The following GABRB1 variants were observed in gnomAD, a reference collection of about 807,000 sequenced individuals.
The protein encoded by GABRB1 is gamma-aminobutyric acid receptor subunit beta-1.
Under a neutral mutation model 51.6 loss-of-function variants are expected in GABRB1, and 17 were observed. The ratio of observed to expected loss-of-function variants is 0.33; its 90% CI spans 0.23 to 0.49. The LOEUF (loss-of-function observed/expected upper bound fraction) is 0.49. Among genes scored for constraint, GABRB1 ranks in the 20% least tolerant of loss-of-function variants. GABRB1 has a pLI of 0.99. For synonymous variants in GABRB1, 247 were observed against 218.9 expected (o/e 1.13, Z -1.14); for missense variants, 410 against 600.6 (o/e 0.68, Z 3.32).
At chr4:47,380,218 GA>G (rs1727546037) in intron 5 of GABRB1, among the ~76,000 whole-genome samples, 1 of 152,070 alleles carries the variant, frequency 6.6e-6, no homozygotes, top group Admixed American at 6.5e-5. Context: ...TTATTTTATG[GA>G]GCATATAACC....
intron 5 of GABRB1, among the ~76,000 whole-genome samples, chr4:47,396,434 T>G (rs890711451): frequency 1.3e-5 from 2 of 152,232 alleles, no homozygotes; most frequent in Admixed American, 1.3e-4. Flanking sequence ...AGGGGACATT[T>G]ATTTGTTTCA....
rs147137027 is a variant in GABRB1 at position 47,158,940 on chromosome 4, T to C, written c.241-2309T>C. 6.2e-4 allele frequency among the ~76,000 whole-genome samples: 95 copies of C among 152,096 alleles called. 1 individual carries two copies. The highest frequency in any genetic ancestry group is 2.1e-3 in the African/African-American group (89 of 41,532). On this transcript the variant is annotated intron_variant, in intron 3 of 8. Coordinates refer to ENST00000295454, the MANE Select transcript of GABRB1 (RefSeq NM_000812.4). ...AGTACCTTAACCTTAATTTTCTCAA[T>C]TGATGCTCACAAAAAACCAGTAAAA... is the stretch of plus-strand genomic sequence containing the variant.
Position 47,400,209 on chromosome 4 carries a change from C to A in GABRB1, c.545-3109C>A, listed in dbSNP as rs150064900. Among the ~76,000 whole-genome samples the A allele has an allele frequency of 5.0e-3, 759 of 152,136 alleles. 7 individuals carry two copies. Among genetic ancestry groups the A allele is most frequent in the African/African-American group, 0.017 (689 of 41,512 alleles). On this transcript the variant is annotated intron_variant, in intron 5 of 8. Coordinates refer to ENST00000295454, the MANE Select transcript of GABRB1 (RefSeq NM_000812.4). ...GACATTTCATATATTTAAAAAAAAA[C>A]CATTGAGTTTTAGAATAAAAAGTTG...
intron 3 of GABRB1, among the ~76,000 whole-genome samples, chr4:47,107,370 C>T (rs1446460737): frequency 6.6e-6 from 1 of 151,996 alleles, no homozygotes; most frequent in African/African-American, 2.4e-5. Flanking sequence ...CTCTCAACTG[C>T]TCACCAACCT....
chr4:47,406,939 A>ATATTCC lies in GABRB1; in HGVS notation c.1080+16_1080+21dup, dbSNP rs1384767710. 7 of 1,610,926 alleles carry ATATTCC rather than the reference A, an allele frequency of 4.3e-6. No homozygotes were observed. The highest frequency in any genetic ancestry group is 5.9e-6 in the Non-Finnish European group (7 of 1,177,974). On this transcript the variant is annotated intron_variant, in intron 8 of 8. Coordinates refer to ENST00000295454, the MANE Select transcript of GABRB1 (RefSeq NM_000812.4). ...GAATAAAGTCCAGGTAAGATATTAAATATTCCTAACAATATTCTTGTTAAA... is the reference window on the plus strand; with the variant it reads ...GAATAAAGTCCAGGTAAGATATTAAATATTCCTATTCCTAACAATATTCTTGTTAAA...
At chr4:47,262,486 A>G (rs982191488) in intron 4 of GABRB1, among the ~76,000 whole-genome samples, 166 of 152,340 alleles carry the variant, frequency 1.1e-3, no homozygotes, top group African/African-American at 3.8e-3. Context: ...AATCAAAACC[A>G]CAATGAGACA....
intron 4 of GABRB1, among the ~76,000 whole-genome samples, chr4:47,247,398 T>TACCATGC (rs889440515): frequency 1.3e-5 from 2 of 152,172 alleles, no homozygotes; most frequent in African/African-American, 4.8e-5. Context: ...TTTATACCAG[T>TACCATGC]ACCATGCTGT....
chr4:47,290,017 C>T (rs78876884), intron 4 of GABRB1, among the ~76,000 whole-genome samples: 3,338 of 152,330 alleles, frequency 0.022, 37 homozygotes, highest in South Asian at 0.041. Context: ...CAATTCACAA[C>T]AAATGCTACT....
chr4:47,248,735 A>G (rs1327645980), intron 4 of GABRB1, among the ~76,000 whole-genome samples: 2 of 151,824 alleles, frequency 1.3e-5, no homozygotes, highest in Non-Finnish European at 2.9e-5. Flanking sequence ...TTGAGCTAGG[A>G]TGGTTCTATT....
intron 1 of GABRB1, among the ~76,000 whole-genome samples, chr4:47,016,150 A>G (rs942787482): frequency 1.3e-5 from 2 of 152,220 alleles, no homozygotes; most frequent in South Asian, 2.1e-4. Context: ...GAGAGGTTCA[A>G]TGAAGAAAAA....
rs558296443 is a variant in GABRB1, at chr4:47,200,407, G to A, written c.461+38938G>A. Among the ~76,000 whole-genome samples the A allele has an allele frequency of 2.0e-5, 3 of 152,170 alleles. No homozygotes were observed. In the East Asian group the frequency reaches 5.8e-4, roughly 29 times the overall value. ...AGGACATTGGAAGGATCATCTACAT[G>A]GATTTAAAGAAGAGTTTGGAGTCTG... On this transcript the variant is annotated intron_variant, in intron 4 of 8. Coordinates refer to ENST00000295454, the MANE Select transcript of GABRB1 (RefSeq NM_000812.4).
intron 5 of GABRB1, among the ~76,000 whole-genome samples, chr4:47,373,331 C>A (rs1380233147): frequency 2.0e-5 from 3 of 152,182 alleles, no homozygotes; most frequent in Non-Finnish European, 4.4e-5. Flanking sequence ...CCCCTAAGTA[C>A]ACTCAGGAAA....
intron 4 of GABRB1, among the ~76,000 whole-genome samples, chr4:47,195,432 ATAGATAGATAGATGATAGATAGAT>A (rs1433548639): frequency 0.013 from 1,566 of 123,886 alleles, 15 homozygotes; most frequent in African/African-American, 0.024. Flanking sequence ...AGATAGATAG[ATAGATAGATAGATGATAGATAGAT>A]TAGATGATAG....
chr4:47,006,321 A>C (rs1386081035), intron 1 of GABRB1, among the ~76,000 whole-genome samples: 1 of 152,112 alleles, frequency 6.6e-6, no homozygotes, highest in Non-Finnish European at 1.5e-5. Flanking sequence ...TTGTAATAAA[A>C]TAATACTATA....
chr4:47,261,530 A>G (rs1483977308), intron 4 of GABRB1, among the ~76,000 whole-genome samples: 1 of 152,184 alleles, frequency 6.6e-6, no homozygotes, highest in Non-Finnish European at 1.5e-5. Flanking sequence ...CCACTGCTCA[A>G]TGAAATAAAA....
intron 5 of GABRB1, among the ~76,000 whole-genome samples, chr4:47,355,080 G>T (rs4359873): frequency 0.41 from 61,415 of 148,960 alleles, 13,139 homozygotes; most frequent in Middle Eastern, 0.47. Flanking sequence ...CCGCCTCCCG[G>T]GTTCAAGTGA....
intron 3 of GABRB1, among the ~76,000 whole-genome samples, chr4:47,062,494 G>C (rs1034275760): frequency 6.6e-6 from 1 of 151,464 alleles, no homozygotes; most frequent in Non-Finnish European, 1.5e-5. Context: ...CAGTAAAACA[G>C]ATTAGGCAAT....
At chr4:47,093,756 C>T (rs1156641427) in intron 3 of GABRB1, among the ~76,000 whole-genome samples, 1 of 152,102 alleles carries the variant, frequency 6.6e-6, no homozygotes, top group Non-Finnish European at 1.5e-5. Context: ...TGATAAGGCA[C>T]CTGCAACGTC....
intron 4 of GABRB1, among the ~76,000 whole-genome samples, chr4:47,308,659 G>T (rs1349436745): frequency 2.0e-5 from 3 of 152,014 alleles, no homozygotes; most frequent in Non-Finnish European, 4.4e-5. Context: ...AATAGAATTG[G>T]TTTGCAAATA....
Sources: allele counts gnomAD v4.1 joint callset (sites outside exome capture counted in the v4.1 genomes callset), GRCh38; gene constraint gnomAD v4.1.1; transcripts MANE v1.5; gene names NCBI Gene and HGNC (gene_info 2026-07-23, HGNC 2026-07-21).